The following SPRTN variants were observed in gnomAD, a reference collection of about 807,000 sequenced individuals.
SPRTN encodes SprT-like N-terminal domain, also known as DNA-dependent metalloprotease SPRTN.
A neutral mutation model predicts 31.9 loss-of-function variants in SPRTN; 11 were observed. The observed-to-expected ratio is 0.34, with a 90% confidence interval of 0.22 to 0.57. The LOEUF is 0.57. SPRTN is among the 20% of genes least tolerant of loss of function. The pLI, the probability that SPRTN is intolerant of heterozygous loss-of-function variation, is 0.86. For synonymous variants in SPRTN, 185 were observed against 212.1 expected, an observed-to-expected ratio of 0.87 and a Z score of 1.11; for missense variants, 482 against 590.1, an observed-to-expected ratio of 0.82 and a Z score of 1.90.
At position 231,351,881 on chromosome 1, in the gene SPRTN, TC is replaced by T. The variant is rs374938845; in HGVS notation, c.718+312del. On this transcript the variant is annotated intron_variant, in intron 4 of 4. Coordinates refer to ENST00000295050, the MANE Select transcript of SPRTN (RefSeq NM_032018.7). Reference sequence around the variant, plus strand: ...TCTCTGATAATATTTGAGGTAAAGTTCCTTTCCCTATCTTGACTCACTGAGT... The same window carrying T: ...TCTCTGATAATATTTGAGGTAAAGTTCTTTCCCTATCTTGACTCACTGAGT... 588 of 1,031,338 alleles carry T rather than the reference TC, an allele frequency of 5.7e-4. 14 individuals are homozygous for T. The South Asian group carries it at 0.021, about 37-fold the overall frequency. 63.9% of individuals were successfully genotyped at this position (1,031,338 alleles called of 1,614,324 possible). A position where few individuals can be genotyped will look rare whatever the true frequency, so the allele number is the denominator to read the frequency against.
chr1:231,348,382 C>T lies in SPRTN; in HGVS notation c.450+457C>T, dbSNP rs573053118. Among the ~76,000 whole-genome samples, 21 of 152,284 alleles carry T rather than the reference C, an allele frequency of 1.4e-4. No homozygotes were observed. The East Asian group carries it at 3.9e-3, about 28-fold the overall frequency. ...GCGTCAGGCTGCTTGGATTCAAATCCTGGCTCCACCAATTATTAACTTTCC... is the reference window on the plus strand; with the variant it reads ...GCGTCAGGCTGCTTGGATTCAAATCTTGGCTCCACCAATTATTAACTTTCC... On this transcript the variant is annotated intron_variant, in intron 3 of 4. Coordinates refer to ENST00000295050, the MANE Select transcript of SPRTN (RefSeq NM_032018.7).
intron 2 of SPRTN, among the ~76,000 whole-genome samples, chr1:231,345,212 C>T (rs1687017762): frequency 6.6e-6 from 1 of 151,794 alleles, no homozygotes; most frequent in Non-Finnish European, 1.5e-5. Context: ...ACCTCTGCCT[C>T]CCAGGTTCAG....
Position 231,338,575 on chromosome 1 carries a change from C to T in SPRTN, c.192C>T (p.Val64=). The T allele has an allele frequency of 6.2e-7, 1 of 1,614,220 alleles. No individual in the cohort carries two copies. The highest frequency in any genetic ancestry group is 8.5e-7 in the Non-Finnish European group (1 of 1,180,042). Residue 64 remains valine, a synonymous_variant, in exon 1 of 5, where the codon GTC becomes GTT. Transcript: ENST00000295050. The part of the protein sequence containing the change: ...DQFFWGQLEA[V]EVKWSVRMTL... ...TCTTCTGGGGCCAGCTGGAGGCCGT[C>T]GAGGTGAAGTGGAGCGTGCGAATGA...
intron 2 of SPRTN, chr1:231,347,531 T>A: frequency 3.2e-6 from 1 of 308,242 alleles, no homozygotes; most frequent in South Asian, 5.2e-5. Context: ...CCTGGCTAAT[T>A]TTTGTATTTT....
chr1:231,342,766 C>T (rs1163880022), intron 2 of SPRTN, among the ~76,000 whole-genome samples: 11 of 145,314 alleles, frequency 7.6e-5, no homozygotes, highest in Admixed American at 2.8e-4. Context: ...GATGGAGTCT[C>T]GCTCTGTTGC....
rs1209531312 is a variant in SPRTN at position 231,353,485 on chromosome 1, A to C, written c.*124A>C. On this transcript the variant is annotated 3_prime_UTR_variant, in exon 5 of 5. Transcript: ENST00000295050. ...TAATCTAGTTCACATAACCAATAGA[A>C]AGTGTCCTATTTTATATATACGCAT... The C allele has an allele frequency of 2.1e-6, 3 of 1,421,198 alleles. No homozygotes were observed. The Admixed American group carries it at 9.6e-5, about 46-fold the overall frequency. 88.0% of individuals were successfully genotyped at this position (1,421,198 alleles called of 1,614,324 possible).
chr1:231,349,203 CAT>C (rs1424182718), intron 3 of SPRTN, among the ~76,000 whole-genome samples: 1 of 152,078 alleles, frequency 6.6e-6, no homozygotes, highest in Non-Finnish European at 1.5e-5. Context: ...GTCTTGAACT[CAT>C]GGGTTCAAGT....
chr1:231,350,862 T>C (rs1396402808), intron 3 of SPRTN, among the ~76,000 whole-genome samples: 1 of 152,158 alleles, frequency 6.6e-6, no homozygotes, highest in Non-Finnish European at 1.5e-5. Flanking sequence ...TGTAGTCCTT[T>C]AGAACCCTTT....
At chr1:231,352,366 T>G (rs1470389783) in intron 4 of SPRTN, 5 of 1,179,986 alleles carry the variant, frequency 4.2e-6, no homozygotes, top group Non-Finnish European at 5.2e-6. Context: ...TGTTGGTCTT[T>G]GGCATGATAA....
chr1:231,352,506 C>T (rs1257384345), intron 4 of SPRTN, 104 bp from the exon 5 acceptor site: 1 of 1,489,952 alleles, frequency 6.7e-7, no homozygotes, highest in Non-Finnish European at 8.9e-7. Context: ...GAATAAAATA[C>T]TAGTTCTTCA....
chr1:231,339,584 C>G (rs577631011), intron 1 of SPRTN, 185 bp from the exon 2 acceptor site: 86 of 758,150 alleles, frequency 1.1e-4, no homozygotes, highest in South Asian at 9.6e-4. Context: ...TCGGAGCCAT[C>G]GCGGGAGGCG....
intron 3 of SPRTN, among the ~76,000 whole-genome samples, chr1:231,349,032 G>A (rs770729571): frequency 3.3e-5 from 5 of 152,150 alleles, no homozygotes; most frequent in Non-Finnish European, 5.9e-5. Flanking sequence ...ATGCAGTGGT[G>A]CATTCATAGC....
chr1:231,339,586 C>T (rs1275230286), intron 1 of SPRTN, 183 bp from the exon 2 acceptor site: 7 of 762,436 alleles, frequency 9.2e-6, no homozygotes, highest in African/African-American at 1.7e-5. Flanking sequence ...GGAGCCATCG[C>T]GGGAGGCGCC....
intron 2 of SPRTN, among the ~76,000 whole-genome samples, chr1:231,346,533 T>C (rs961648505): frequency 6.6e-6 from 1 of 152,132 alleles, no homozygotes; most frequent in Non-Finnish European, 1.5e-5. Flanking sequence ...TGAAATTGGG[T>C]TGTCATTCCC....
chr1:231,341,424 G>A (rs1686886699), intron 2 of SPRTN, among the ~76,000 whole-genome samples: 1 of 151,866 alleles, frequency 6.6e-6, no homozygotes, highest in African/African-American at 2.4e-5. Flanking sequence ...GCTTTAGTGA[G>A]CATTTCCTTA....
In SPRTN at chr1:231,352,947, A is replaced by G; in HGVS notation, c.1056A>G (p.Ile352Met). 1 of 1,614,144 alleles carries G rather than the reference A, an allele frequency of 6.2e-7. No individual in the cohort carries two copies. Among genetic ancestry groups the G allele is most frequent in the African/African-American group, 1.3e-5 (1 of 75,052 alleles). ...AFRGVNGSPR[I>M]SVTVGNIPKN... is the part of the protein sequence containing the mutation. Reference sequence around the variant, plus strand: ...GAGGTGTGAATGGATCTCCAAGGATAAGTGTAACAGTTGGCAACATCCCTA... The same window carrying G: ...GAGGTGTGAATGGATCTCCAAGGATGAGTGTAACAGTTGGCAACATCCCTA... Residue 352 changes from isoleucine (I) to methionine (M), a missense_variant, in exon 5 of 5, where the codon ATA becomes ATG. By Grantham distance (10) the Ile-to-Met change is conservative. This residue lies in a region of SPRTN where 325 missense variants were observed against 350.2 expected (regional missense o/e 0.93). Coordinates refer to ENST00000295050, the MANE Select transcript of SPRTN (RefSeq NM_032018.7).
Position 231,353,420 on chromosome 1 carries a change from CA to C in SPRTN, c.*60del. The C allele has an allele frequency of 6.6e-7, 1 of 1,505,538 alleles. No individual in the cohort carries two copies. Among genetic ancestry groups the C allele is most frequent in the African/African-American group, 1.4e-5 (1 of 71,702 alleles). The allele number at this position is 1,505,538 out of a possible 1,614,324, so 93.3% of individuals were successfully genotyped here. A position where few individuals can be genotyped will look rare whatever the true frequency, so the allele number is the denominator to read the frequency against. ...TATCTCACTAATGTGCTATGTCAGC[CA>C]GTCAGGAAGTTCTGGTTAATACTAA... On this transcript the variant is annotated 3_prime_UTR_variant, in exon 5 of 5. Coordinates refer to ENST00000295050, the MANE Select transcript of SPRTN (RefSeq NM_032018.7).
rs567833527 is a variant in SPRTN, at chr1:231,353,365, A to C, written c.*4A>C. The C allele has an allele frequency of 6.4e-7, 1 of 1,566,188 alleles. No homozygotes were observed. The highest frequency in any genetic ancestry group is 1.4e-5 in the African/African-American group (1 of 73,008). ...CAAAAGCGAAGAAAGTCTTTGAAAAAGGTTTCAAAGTCTCAAGTACCACCT... is the reference window on the plus strand; with the variant it reads ...CAAAAGCGAAGAAAGTCTTTGAAAACGGTTTCAAAGTCTCAAGTACCACCT... On this transcript the variant is annotated 3_prime_UTR_variant, in exon 5 of 5. Transcript: ENST00000295050.
Position 231,354,649 on chromosome 1 carries a change from G to A in SPRTN, c.*1288G>A, listed in dbSNP as rs773926826. ...TATAATGTAGTATCTTTGTTCCTATGTATAGCAGGAGTTCATTTTCATTGC... is the reference window on the plus strand; with the variant it reads ...TATAATGTAGTATCTTTGTTCCTATATATAGCAGGAGTTCATTTTCATTGC... On this transcript the variant is annotated 3_prime_UTR_variant, in exon 5 of 5. Transcript: ENST00000295050. 2 of 152,748 alleles carry A rather than the reference G, an allele frequency of 1.3e-5. No homozygotes were observed. The highest frequency in any genetic ancestry group is 6.5e-5 in the Admixed American group (1 of 15,280). The allele number at this position is 152,748 out of a possible 1,614,324, so 9.5% of individuals were successfully genotyped here.
Sources: gnomAD v4.1 joint callset for allele counts (sites outside exome capture counted in the v4.1 genomes callset) on GRCh38, gnomAD v4.1.1 for gene constraint, gnomAD v4.1.1 regional missense constraint, MANE v1.5 for transcripts, NCBI Gene and HGNC (gene_info 2026-07-23, HGNC 2026-07-21) for gene names.